SLC7A2: variants seen among roughly 807,000 people sequenced by gnomAD.
SLC7A2 encodes cationic amino acid transporter 2.
SLC7A2 carries 48 observed loss-of-function variants against 58.9 expected under a neutral mutation model. That is an observed-to-expected ratio of 0.82 (90% CI 0.65 to 1.04). SLC7A2 has a LOEUF of 1.04. SLC7A2 is among the 50% of genes least tolerant of loss of function. SLC7A2 has a pLI of 0.00. For missense variants in SLC7A2, 1,029 were observed against 818.8 expected, an observed-to-expected ratio of 1.26 and a Z score of -3.13; for synonymous variants, 363 against 314.5, an observed-to-expected ratio of 1.15 and a Z score of -1.63.
intron 2 of SLC7A2, among the ~76,000 whole-genome samples, chr8:17,516,822 C>T (rs1353665667): frequency 6.6e-6 from 1 of 152,156 alleles, no homozygotes; most frequent in African/African-American, 2.4e-5. Flanking sequence ...GCCAAGTATC[C>T]ATTGATTCAG....
chr8:17,525,077 C>T (rs1801171016), intron 2 of SLC7A2, among the ~76,000 whole-genome samples: 1 of 152,106 alleles, frequency 6.6e-6, no homozygotes, highest in South Asian at 2.1e-4. Context: ...TACATCACAT[C>T]CTATCTATTA....
intron 1 of SLC7A2, among the ~76,000 whole-genome samples, chr8:17,501,908 G>A (rs1469310746): frequency 4.0e-5 from 6 of 150,626 alleles, no homozygotes; most frequent in Non-Finnish European, 8.9e-5. Flanking sequence ...TCCCAACTGT[G>A]TTATATTCAT....
chr8:17,525,058 C>G lies in SLC7A2; in HGVS notation c.-22-18260C>G, dbSNP rs777561545. On this transcript the variant is annotated intron_variant, in intron 2 of 12. Coordinates refer to ENST00000494857, the MANE Select transcript of SLC7A2 (RefSeq NM_001370338.1). ...CAGAACCATTTTTCCACATATTCCC[C>G]CCATTCTCTACATCACATCCTATCT... 2.0e-5 allele frequency among the ~76,000 whole-genome samples: 3 copies of G among 152,132 alleles called. No homozygotes were observed. In the East Asian group the frequency reaches 5.8e-4, roughly 29 times the overall value.
At chr8:17,513,358 A>C (rs1326105031) in intron 2 of SLC7A2, among the ~76,000 whole-genome samples, 104 of 152,218 alleles carry the variant, frequency 6.8e-4, no homozygotes, top group African/African-American at 2.2e-3. Flanking sequence ...ATCCTAAGGG[A>C]TACTGAAGTC....
At chr8:17,496,672 C>T (rs1156551353), upstream of SLC7A2, among the ~76,000 whole-genome samples, 2 of 151,986 alleles carry the variant, frequency 1.3e-5, no homozygotes, top group Non-Finnish European at 2.9e-5. Context: ...TTTATCATTG[C>T]TATTATTATA....
At chr8:17,535,791 T>TA (rs1274119958) in intron 2 of SLC7A2, among the ~76,000 whole-genome samples, 1 of 151,894 alleles carries the variant, frequency 6.6e-6, no homozygotes, top group Non-Finnish European at 1.5e-5. Context: ...TAGTCACAGA[T>TA]ACTTGGGAAG....
rs1563435306 is a variant in SLC7A2 at position 17,509,098 on chromosome 8, CTGTAATT to C, written c.-23+6797_-23+6803del. On this transcript the variant is annotated intron_variant, in intron 2 of 12. Coordinates refer to ENST00000494857, the MANE Select transcript of SLC7A2 (RefSeq NM_001370338.1). ...CATCAGCTGTAGTTGTTGGTACCAA[CTGTAATT>C]GAAAGTTCGAGTCATCTGTTTAAAG... Among the ~76,000 whole-genome samples, 3 of 152,158 alleles carry C rather than the reference CTGTAATT, an allele frequency of 2.0e-5. No homozygotes were observed. The East Asian group carries it at 5.8e-4, about 29-fold the overall frequency.
At chr8:17,536,580 C>T (rs573603455) in intron 2 of SLC7A2, among the ~76,000 whole-genome samples, 1 of 152,198 alleles carries the variant, frequency 6.6e-6, no homozygotes, top group Non-Finnish European at 1.5e-5. Context: ...TACCTTATGT[C>T]AAGCTATTTT....
rs548301561 is a variant in SLC7A2, at chr8:17,541,423, A to G, written c.-22-1895A>G. On this transcript the variant is annotated intron_variant, in intron 2 of 12. Transcript: ENST00000494857. ...TGTCAACGTCTTTGCAGATTTTCCC[A>G]TAAGCATTTGTGAAGTGCCATGCTT... 5.3e-5 allele frequency among the ~76,000 whole-genome samples: 8 copies of G among 152,362 alleles called. No homozygotes were observed. In the South Asian group the frequency reaches 1.0e-3, roughly 20 times the overall value.
chr8:17,553,557 G>C (rs1317714426), intron 7 of SLC7A2, among the ~76,000 whole-genome samples: 6 of 152,120 alleles, frequency 3.9e-5, no homozygotes, highest in African/African-American at 1.4e-4. Flanking sequence ...GATCACTTAC[G>C]GCAAAGAGTT....
intron 2 of SLC7A2, among the ~76,000 whole-genome samples, chr8:17,507,088 G>A (rs750195518): frequency 3.9e-5 from 6 of 151,912 alleles, no homozygotes; most frequent in African/African-American, 7.3e-5. Context: ...GGGACCATAG[G>A]CGGGCACCAC....
In SLC7A2 at chr8:17,558,409, G is replaced by C; in HGVS notation, c.1298+12G>C. 2 of 1,569,996 alleles carry C rather than the reference G, an allele frequency of 1.3e-6. No individual in the cohort carries two copies. Among genetic ancestry groups the C allele is most frequent in the Non-Finnish European group, 1.8e-6 (2 of 1,140,924 alleles). On this transcript the variant is annotated intron_variant, in intron 9 of 12. Coordinates refer to ENST00000494857, the MANE Select transcript of SLC7A2 (RefSeq NM_001370338.1). ...GTTCTCATCCTCAGGTGAGTCACCT[G>C]GTGGTTCTACAGGGTGTACCATGCA... is the stretch of plus-strand genomic sequence containing the variant.
chr8:17,556,683 G>A (rs1251712348), intron 8 of SLC7A2, among the ~76,000 whole-genome samples: 3 of 151,614 alleles, frequency 2.0e-5, no homozygotes, highest in Non-Finnish European at 4.4e-5. Flanking sequence ...ATCTTGGCTC[G>A]TTGCAACCTC....
At chr8:17,495,005 A>C (rs1799921429), upstream of SLC7A2, among the ~76,000 whole-genome samples, 1 of 152,268 alleles carries the variant, frequency 6.6e-6, no homozygotes, top group Non-Finnish European at 1.5e-5. Context: ...ATTCCAGATA[A>C]ATTTGTTTAT....
At chr8:17,509,541 A>T (rs972064681) in intron 2 of SLC7A2, among the ~76,000 whole-genome samples, 1 of 152,088 alleles carries the variant, frequency 6.6e-6, no homozygotes, top group South Asian at 2.1e-4. Context: ...CCTGACCTCA[A>T]GTAATCCACC....
Position 17,548,556 on chromosome 8 carries a change from A to G in SLC7A2, c.533-122A>G, listed in dbSNP as rs932584886. 32 of 693,618 alleles carry G rather than the reference A, an allele frequency of 4.6e-5. No homozygotes were observed. In the South Asian group the frequency reaches 4.8e-4, roughly 10 times the overall value. The allele number at this position is 693,618 out of a possible 1,614,324, so 43.0% of individuals were successfully genotyped here. On this transcript the variant is annotated intron_variant, in intron 4 of 12. Transcript: ENST00000494857. ...ATGAGTAAGAACTAGCAGTAGAGGTAGATAGATGGAAATTAAAGACATGAA... is the reference window on the plus strand; with the variant it reads ...ATGAGTAAGAACTAGCAGTAGAGGTGGATAGATGGAAATTAAAGACATGAA...
intron 2 of SLC7A2, among the ~76,000 whole-genome samples, chr8:17,516,372 C>T (rs757608541): frequency 1.3e-5 from 2 of 152,052 alleles, no homozygotes; most frequent in Non-Finnish European, 2.9e-5. Flanking sequence ...ATTACAGGTG[C>T]ACCACCACAC....
At chr8:17,560,300 A>T (rs774987922) in intron 9 of SLC7A2, 28 bp from the exon 10 acceptor site, 1 of 1,576,368 alleles carries the variant, frequency 6.3e-7, no homozygotes, top group Non-Finnish European at 8.7e-7. Context: ...ATTTGAGAAT[A>T]AAGACATAGA....
In SLC7A2 at chr8:17,526,066, G is replaced by C. The variant is rs1801211029; in HGVS notation, c.-22-17252G>C. Among the ~76,000 whole-genome samples, 3 of 152,094 alleles carry C rather than the reference G, an allele frequency of 2.0e-5. No individual in the cohort carries two copies. The South Asian group carries it at 6.2e-4, about 32-fold the overall frequency. Reference sequence around the variant, plus strand: ...TCTAAATACCCAGAGAAAATATGAAGATAATTCTATGGACTGTAACCCTAA... The same window carrying C: ...TCTAAATACCCAGAGAAAATATGAACATAATTCTATGGACTGTAACCCTAA... On this transcript the variant is annotated intron_variant, in intron 2 of 12. Transcript: ENST00000494857.
Sources: allele counts gnomAD v4.1 joint callset (sites outside exome capture counted in the v4.1 genomes callset), GRCh38; gene constraint gnomAD v4.1.1; transcripts MANE v1.5; gene names NCBI Gene and HGNC (gene_info 2026-07-23, HGNC 2026-07-21).